Variants in PPP2R1B observed in about 807,000 individuals in gnomAD.
The protein encoded by PPP2R1B is serine/threonine-protein phosphatase 2A 65 kDa regulatory subunit A beta isoform.
Under a neutral mutation model 72.7 loss-of-function variants are expected in PPP2R1B, and 58 were observed. That is an observed-to-expected ratio of 0.80 (90% CI 0.65 to 0.99). PPP2R1B has a LOEUF of 0.99. Among genes scored for constraint, PPP2R1B ranks in the 50% least tolerant of loss-of-function variants. The pLI, the probability that PPP2R1B is intolerant of heterozygous loss-of-function variation, is 0.00. For missense variants in PPP2R1B, 695 were observed against 733.6 expected (o/e 0.95, Z 0.61); for synonymous variants, 256 against 264.6 (o/e 0.97, Z 0.32).
chr11:111,753,656 T>A, intron 8 of PPP2R1B, 79 bp from the exon 9 acceptor site: 6 of 1,422,250 alleles, frequency 4.2e-6, no homozygotes, highest in Non-Finnish European at 5.7e-6. Context: ...AAACAGAGTC[T>A]TGCTCTGTTG....
At chr11:111,708,888 TAGTG>T in the PPP2R1B span, among the ~76,000 whole-genome samples, 4 of 152,268 alleles carry the variant, frequency 2.6e-5, no homozygotes, top group South Asian at 2.1e-4. Flanking sequence ...GTCACACAAT[TAGTG>T]AGCCACCACA....
chr11:111,752,123 C>T, intron 10 of PPP2R1B, 36 bp downstream of exon 10: 4 of 1,551,504 alleles, frequency 2.6e-6, no homozygotes, highest in Non-Finnish European at 3.5e-6. Context: ...CACTATCTGA[C>T]ACTACCCTGC....
the PPP2R1B span, among the ~76,000 whole-genome samples, chr11:111,689,011 A>C: frequency 6.6e-6 from 1 of 152,232 alleles, no homozygotes; most frequent in Non-Finnish European, 1.5e-5. Context: ...GGGAAGCTTC[A>C]CAAAGAAGGA....
intron 5 of PPP2R1B, among the ~76,000 whole-genome samples, chr11:111,759,545 C>T (rs529865768): frequency 6.6e-6 from 1 of 152,314 alleles, no homozygotes; most frequent in South Asian, 2.1e-4. Flanking sequence ...CTTTGGTCTT[C>T]CTTTCTAATT....
At chr11:111,759,772 C>G in intron 5 of PPP2R1B, 32 bp downstream of exon 5, 5 of 1,580,410 alleles carry the variant, frequency 3.2e-6, no homozygotes, top group Non-Finnish European at 4.3e-6. Flanking sequence ...AGGAGCATAT[C>G]TGTGTCCCTT....
chr11:111,713,090 A>T, the PPP2R1B span, among the ~76,000 whole-genome samples: 1 of 152,166 alleles, frequency 6.6e-6, no homozygotes, highest in Admixed American at 6.5e-5. Flanking sequence ...TCTTGAGCCC[A>T]GGGGGCCGAG....
At chr11:111,759,987 A>G (rs2136105107) in intron 4 of PPP2R1B, 36 bp from the exon 5 acceptor site, 1 of 1,601,272 alleles carries the variant, frequency 6.2e-7, no homozygotes, top group African/African-American at 1.3e-5. Flanking sequence ...TTCCCATCAA[A>G]TAACACTGAA....
the PPP2R1B span, chr11:111,703,555 T>G: frequency 1.4e-6 from 1 of 718,026 alleles, no homozygotes; most frequent in Admixed American, 2.6e-5. Flanking sequence ...TCCCTATAGA[T>G]GACATCAGAC....
intron 9 of PPP2R1B, among the ~76,000 whole-genome samples, chr11:111,752,970 AAAACAAAC>A (rs35779546): frequency 6.6e-6 from 1 of 150,578 alleles, no homozygotes; most frequent in Non-Finnish European, 1.5e-5. Flanking sequence ...CTCAAAAAAC[AAAACAAAC>A]AAACAAACAA....
chr11:111,701,666 T>G, the PPP2R1B span: 1 of 1,488,526 alleles, frequency 6.7e-7, no homozygotes, highest in Non-Finnish European at 9.0e-7. The surrounding 1 kb of genome is among the most constrained non-coding windows in gnomAD (Gnocchi z 4.2). Context: ...TTCTAAGAGT[T>G]TGGGTGCCAA....
chr11:111,698,703 C>T, the PPP2R1B span, among the ~76,000 whole-genome samples: 1 of 152,058 alleles, frequency 6.6e-6, no homozygotes, highest in East Asian at 1.9e-4. Context: ...AGAGCAAGAC[C>T]CTATCTCAAA....
chr11:111,725,969 A>G (rs1943951843), downstream of PPP2R1B: 1 of 152,220 alleles, frequency 6.6e-6, no homozygotes, highest in South Asian at 2.1e-4. Context: ...GGAAGAATGA[A>G]TTAAGCTTCT....
chr11:111,721,048 A>G, the PPP2R1B span: 2 of 1,613,450 alleles, frequency 1.2e-6, no homozygotes, highest in African/African-American at 2.7e-5. Context: ...GGACCTTGCT[A>G]GCAGCTGCCC....
chr11:111,753,122 T>C (rs1944974049), intron 9 of PPP2R1B, among the ~76,000 whole-genome samples: 1 of 152,204 alleles, frequency 6.6e-6, no homozygotes, highest in Admixed American at 6.5e-5. Flanking sequence ...CATTATAATT[T>C]TTGATACTAT....
chr11:111,739,493 A>C lies in PPP2R1B; in HGVS notation c.*2103T>G. ...ATGAAACCCCTGAGGGGTCACCACA[A>C]AAGACAGAGGCCCCGCTGAACCCCC... is the stretch of plus-strand genomic sequence containing the variant. On this transcript the variant is annotated 3_prime_UTR_variant, in exon 15 of 15. Coordinates refer to ENST00000527614, the MANE Select transcript of PPP2R1B (RefSeq NM_002716.5). The C allele has an allele frequency of 1.0e-6, 1 of 985,412 alleles. No individual in the cohort carries two copies. 61.0% of individuals were successfully genotyped at this position (985,412 alleles called of 1,614,324 possible). A position where few individuals can be genotyped will look rare whatever the true frequency, so the allele number is the denominator to read the frequency against.
At chr11:111,712,478 T>TA in the PPP2R1B span, 3 of 1,257,428 alleles carry the variant, frequency 2.4e-6, no homozygotes, top group African/African-American at 4.5e-5. Flanking sequence ...ATCATTTCGT[T>TA]AAGTCACTCA....
At position 111,753,360 on chromosome 11, in the gene PPP2R1B, G is replaced by A. The variant is rs1944982771; in HGVS notation, c.1164+83C>T. 1.3e-5 allele frequency: 20 copies of A among 1,483,364 alleles called. 1 individual carries two copies. Among genetic ancestry groups the A allele is most frequent in the Middle Eastern group, 3.6e-4 (2 of 5,594 alleles). 91.9% of individuals were successfully genotyped at this position (1,483,364 alleles called of 1,614,324 possible). A position where few individuals can be genotyped will look rare whatever the true frequency, so the allele number is the denominator to read the frequency against. On this transcript the variant is annotated intron_variant, in intron 9 of 14. Coordinates refer to ENST00000527614, the MANE Select transcript of PPP2R1B (RefSeq NM_002716.5). ...TTTTTTATCCATTTTCTTTTTGGGG[G>A]TTCTATTTTAATGAAACCCTAAACC...
the PPP2R1B span, among the ~76,000 whole-genome samples, chr11:111,688,387 G>T: frequency 6.7e-4 from 102 of 152,310 alleles, no homozygotes; most frequent in African/African-American, 2.4e-3. This position sits in a 1 kb window ranked among gnomAD's most constrained non-coding sequence, Gnocchi z 4.2. Context: ...GGTCTGATGT[G>T]TCCAGATTCC....
chr11:111,731,593 A>G (rs1297403084), intron 15 of PPP2R1B, among the ~76,000 whole-genome samples: 1 of 152,206 alleles, frequency 6.6e-6, no homozygotes, highest in East Asian at 1.9e-4. Context: ...AACCATTCCA[A>G]TTAAGCCCAT....
Sources: allele counts gnomAD v4.1 joint callset (sites outside exome capture counted in the v4.1 genomes callset), GRCh38; gene constraint gnomAD v4.1.1; non-coding constraint Gnocchi (gnomAD v3.1); transcripts MANE v1.5; gene names NCBI Gene and HGNC (gene_info 2026-07-23, HGNC 2026-07-21).